ADGRL2: variants seen among roughly 807,000 people sequenced by gnomAD.
ADGRL2 encodes the protein adhesion G protein-coupled receptor L2, also known as calcium-independent alpha-latrotoxin receptor 2.
ADGRL2 carries 44 observed loss-of-function variants against 157.4 expected under a neutral mutation model. That is an observed-to-expected ratio of 0.28 (90% CI 0.22 to 0.36). The LOEUF (loss-of-function observed/expected upper bound fraction) is 0.36, where lower values mean the gene tolerates loss of function less well. ADGRL2 is among the 10% of genes least tolerant of loss of function. ADGRL2 has a pLI of 1.00. For synonymous variants in ADGRL2, 585 were observed against 624.7 expected, an observed-to-expected ratio of 0.94 and a Z score of 0.95; for missense variants, 1,510 against 1,768.9, an observed-to-expected ratio of 0.85 and a Z score of 2.63.
intron 3 of ADGRL2, among the ~76,000 whole-genome samples, chr1:81,589,474 A>C (rs539418697): frequency 1.1e-4 from 16 of 152,242 alleles, no homozygotes; most frequent in African/African-American, 3.9e-4. Context: ...AACAATAACC[A>C]CATATCTTGT....
chr1:81,354,897 G>T (rs187351746), intron 1 of ADGRL2, among the ~76,000 whole-genome samples: 2 of 152,172 alleles, frequency 1.3e-5, no homozygotes, highest in South Asian at 4.2e-4. Flanking sequence ...CATTTAACCC[G>T]TGGCTGCCTC....
intron 1 of ADGRL2, among the ~76,000 whole-genome samples, chr1:81,428,205 G>A (rs573205243): frequency 3.7e-4 from 56 of 152,202 alleles, no homozygotes; most frequent in African/African-American, 1.3e-3. Flanking sequence ...GGGTGCTGAC[G>A]TGTGGACAGA....
chr1:81,630,654 T>C (rs930305519), intron 3 of ADGRL2, among the ~76,000 whole-genome samples: 14 of 152,180 alleles, frequency 9.2e-5, no homozygotes, highest in Admixed American at 7.2e-4. Context: ...AATGAGGTGA[T>C]ATGCATGTGG....
At position 81,988,985 on chromosome 1, in the gene ADGRL2, ATT is replaced by A. The variant is rs3838452; in HGVS notation, c.3655+1109_3655+1110del. Among the ~76,000 whole-genome samples, 10 of 149,092 alleles carry A rather than the reference ATT, an allele frequency of 6.7e-5. No homozygotes were observed. In the East Asian group the frequency reaches 9.8e-4, roughly 15 times the overall value. On this transcript the variant is annotated intron_variant, in intron 23 of 23. Transcript: ENST00000686636. ...TTTACAGACCTATCTGTAGACTGTGATTTTTTTTTTTCTCTAGGATTTTGAGA... is the reference window on the plus strand; with the variant it reads ...TTTACAGACCTATCTGTAGACTGTGATTTTTTTTTCTCTAGGATTTTGAGA...
chr1:81,913,646 C>T (rs755826504), intron 3 of ADGRL2, among the ~76,000 whole-genome samples: 22 of 152,052 alleles, frequency 1.4e-4, no homozygotes, highest in Admixed American at 3.3e-4. Flanking sequence ...TTTAATTACA[C>T]TTGGGGAATT....
chr1:81,339,197 G>A (rs114107740), intron 1 of ADGRL2, among the ~76,000 whole-genome samples: 3,998 of 152,262 alleles, frequency 0.026, 92 homozygotes, highest in Middle Eastern at 0.092. Context: ...TTTGCAACAG[G>A]CCTATAGGGA....
intron 19 of ADGRL2, among the ~76,000 whole-genome samples, chr1:81,982,707 T>C (rs1488205660): frequency 6.6e-6 from 1 of 151,954 alleles, no homozygotes. Flanking sequence ...TATTATGTTT[T>C]CAGTCCTGAC....
At chr1:81,792,253 A>ATAT (rs2087386120) in intron 2 of ADGRL2, among the ~76,000 whole-genome samples, 1 of 152,170 alleles carries the variant, frequency 6.6e-6, no homozygotes, top group East Asian at 1.9e-4. Flanking sequence ...CTTTCCCCTG[A>ATAT]CATTAAATTA....
At chr1:81,578,604 A>G (rs1322806711) in intron 2 of ADGRL2, among the ~76,000 whole-genome samples, 1 of 152,162 alleles carries the variant, frequency 6.6e-6, no homozygotes, top group Non-Finnish European at 1.5e-5. Flanking sequence ...AGGTAATGAA[A>G]TCTAGCTACC....
intron 2 of ADGRL2, among the ~76,000 whole-genome samples, chr1:81,497,882 T>A (rs2078763205): frequency 1.3e-5 from 2 of 152,190 alleles, no homozygotes; most frequent in African/African-American, 4.8e-5. Context: ...AAGCATACAA[T>A]AGATCACTAC....
chr1:81,627,102 T>C (rs937184764), intron 3 of ADGRL2, among the ~76,000 whole-genome samples: 4 of 151,918 alleles, frequency 2.6e-5, no homozygotes, highest in African/African-American at 9.7e-5. Flanking sequence ...ATTATTATTA[T>C]TACTATTATT....
intron 6 of ADGRL2, among the ~76,000 whole-genome samples, chr1:81,948,742 TTGAC>T (rs1427226510): frequency 1.3e-5 from 2 of 152,234 alleles, no homozygotes; most frequent in Non-Finnish European, 2.9e-5. Flanking sequence ...GGCATGATGT[TTGAC>T]TGATGTACAT....
intron 2 of ADGRL2, among the ~76,000 whole-genome samples, chr1:81,483,827 A>G (rs141495906): frequency 6.6e-6 from 1 of 152,210 alleles, no homozygotes; most frequent in Non-Finnish European, 1.5e-5. Context: ...ATGTTTAACA[A>G]TTATAACATA....
At chr1:81,307,147 A>C (rs375582876) in intron 1 of ADGRL2, among the ~76,000 whole-genome samples, 72 of 151,366 alleles carry the variant, frequency 4.8e-4, no homozygotes, top group African/African-American at 1.7e-3. Flanking sequence ...TGAGATTGAA[A>C]TTGTATTACA....
chr1:81,803,001 G>A (rs2088516778), intron 1 of ADGRL2, among the ~76,000 whole-genome samples: 1 of 152,140 alleles, frequency 6.6e-6, no homozygotes, highest in African/African-American at 2.4e-5. Flanking sequence ...GCGGGCCACG[G>A]GGAGGGCAGA....
At chr1:81,568,475 T>G (rs1570527627) in intron 2 of ADGRL2, among the ~76,000 whole-genome samples, 1 of 152,162 alleles carries the variant, frequency 6.6e-6, no homozygotes, top group Non-Finnish European at 1.5e-5. Context: ...ATCACTGGAT[T>G]AAACTTGTAG....
At chr1:81,937,859 A>G (rs1194399756) in intron 4 of ADGRL2, among the ~76,000 whole-genome samples, 1 of 151,824 alleles carries the variant, frequency 6.6e-6, no homozygotes, top group Non-Finnish European at 1.5e-5. Flanking sequence ...TCAAACTATC[A>G]ATATTTCTAA....
chr1:81,770,314 C>G (rs1430927814), intron 2 of ADGRL2, among the ~76,000 whole-genome samples: 1 of 151,822 alleles, frequency 6.6e-6, no homozygotes, highest in Admixed American at 6.6e-5. Context: ...AGGCACCTGC[C>G]ACCCTACCTG....
At chr1:81,577,459 T>C (rs2080820454) in intron 2 of ADGRL2, among the ~76,000 whole-genome samples, 1 of 152,194 alleles carries the variant, frequency 6.6e-6, no homozygotes, top group African/African-American at 2.4e-5. Context: ...TTCTCTAATG[T>C]CTCGCTAGTC....
Sources: allele counts gnomAD v4.1 joint callset (sites outside exome capture counted in the v4.1 genomes callset), GRCh38; gene constraint gnomAD v4.1.1; transcripts MANE v1.5; gene names NCBI Gene and HGNC (gene_info 2026-07-23, HGNC 2026-07-21).